The following CFAP43 variants were observed in gnomAD, a reference collection of about 807,000 sequenced individuals.
CFAP43 encodes the protein cilia- and flagella-associated protein 43.
A neutral mutation model predicts 218.9 loss-of-function variants in CFAP43; 155 were observed. That is an observed-to-expected ratio of 0.71 (90% CI 0.62 to 0.81). The LOEUF (loss-of-function observed/expected upper bound fraction) is 0.81, where lower values mean the gene tolerates loss of function less well. CFAP43 is among the 30% of genes least tolerant of loss of function. The probability of loss-of-function intolerance (pLI) is 0.00; values close to 1 mark genes in which losing one functional copy is unlikely to be tolerated. For missense variants in CFAP43, 1,778 were observed against 1,954.3 expected (o/e 0.91, Z 1.70); for synonymous variants, 645 against 681.3 (o/e 0.95, Z 0.83).
At chr10:104,173,252 A>G (rs533368808) in intron 19 of CFAP43, among the ~76,000 whole-genome samples, 1 of 152,332 alleles carries the variant, frequency 6.6e-6, no homozygotes, top group South Asian at 2.1e-4. Flanking sequence ...AGAGAAAAGA[A>G]GTATATAGCA....
In CFAP43 at chr10:104,148,749, CA is replaced by C. The variant is rs139705890; in HGVS notation, c.3661-752del. Among the ~76,000 whole-genome samples, 192 of 152,352 alleles carry C rather than the reference CA, an allele frequency of 1.3e-3. 1 individual carries two copies. The highest frequency in any genetic ancestry group is 4.5e-3 in the African/African-American group (188 of 41,588). The stretch of plus-strand genomic sequence containing the variant: ...GATGCCCAATCTTGAACCTTCTAGA[CA>C]GCAGAATTATGAGTCAGATAAACCT... On this transcript the variant is annotated intron_variant, in intron 28 of 37. Coordinates refer to ENST00000357060, the MANE Select transcript of CFAP43 (RefSeq NM_025145.7).
intron 18 of CFAP43, 146 bp downstream of exon 18, chr10:104,179,694 G>A (rs546267742): frequency 7.3e-5 from 46 of 632,492 alleles, no homozygotes; most frequent in Non-Finnish European, 5.6e-5. Flanking sequence ...TTTGCTTTCC[G>A]AAAAGTTACA....
chr10:104,136,901 A>T (rs1422292699), intron 34 of CFAP43, among the ~76,000 whole-genome samples: 2 of 152,220 alleles, frequency 1.3e-5, no homozygotes, highest in Non-Finnish European at 2.9e-5. Flanking sequence ...AGAAATTTAC[A>T]TCAAGAATAA....
chr10:104,212,643 A>T lies in CFAP43; in HGVS notation c.585-486T>A, dbSNP rs905973087. On this transcript the variant is annotated intron_variant, in intron 4 of 37. Transcript: ENST00000357060. Reference sequence around the variant, plus strand: ...CTAATTCAAATGAAAAACACTGTAGACTAAAATAAATATATATTTAAACAT... The same window carrying T: ...CTAATTCAAATGAAAAACACTGTAGTCTAAAATAAATATATATTTAAACAT... 3.3e-5 allele frequency among the ~76,000 whole-genome samples: 5 copies of T among 152,212 alleles called. No individual in the cohort carries two copies. The East Asian group carries it at 7.7e-4, about 23-fold the overall frequency.
intron 30 of CFAP43, 32 bp from the exon 31 acceptor site, chr10:104,145,596 A>G: frequency 6.7e-7 from 1 of 1,481,612 alleles, no homozygotes; most frequent in Non-Finnish European, 9.3e-7. Flanking sequence ...GAGGACTGCA[A>G]CTTGGTTTGG....
intron 31 of CFAP43, among the ~76,000 whole-genome samples, 195 bp from the exon 32 acceptor site, chr10:104,143,834 G>A (rs1289150798): frequency 1.3e-5 from 2 of 152,200 alleles, no homozygotes; most frequent in Non-Finnish European, 2.9e-5. Flanking sequence ...GTTCTCAGAC[G>A]TGACCTTGGC....
intron 28 of CFAP43, 141 bp downstream of exon 28, chr10:104,152,466 A>G: frequency 8.6e-7 from 1 of 1,161,020 alleles, no homozygotes; most frequent in Non-Finnish European, 1.2e-6. Flanking sequence ...GGGAAGGTGC[A>G]CAAGATGAGA....
chr10:104,154,567 AC>A (rs1268729588), intron 27 of CFAP43, among the ~76,000 whole-genome samples: 2 of 152,192 alleles, frequency 1.3e-5, no homozygotes, highest in African/African-American at 4.8e-5. Context: ...TATCAAGTTC[AC>A]CTGTTCCTAG....
In CFAP43 at chr10:104,131,459, C is replaced by T; in HGVS notation, c.4703G>A (p.Cys1568Tyr). The T allele has an allele frequency of 1.9e-6, 3 of 1,611,140 alleles. No individual in the cohort carries two copies. Among genetic ancestry groups the T allele is most frequent in the Non-Finnish European group, 2.5e-6 (3 of 1,179,308 alleles). ...DKMHKKNVEN[C>Y]KKLLKKLGKF... ...TCCAAGTTTTTTGAGTAGTTTCTTG[C>T]AGTTTTCCACATTCTTTTTGTGCAT... The change falls in exon 37 of 38, where the codon TGC becomes TAC. Residue 1568 changes from cysteine (C) to tyrosine (Y), a missense_variant. Transcript: ENST00000357060.
chr10:104,164,349 C>G, intron 23 of CFAP43, 49 bp from the exon 24 acceptor site: 1 of 1,340,966 alleles, frequency 7.5e-7, no homozygotes, highest in Non-Finnish European at 1.0e-6. Flanking sequence ...TATATCTTTA[C>G]TGGTAACATG....
At chr10:104,134,152 C>A (rs993804336) in intron 34 of CFAP43, among the ~76,000 whole-genome samples, 2 of 152,146 alleles carry the variant, frequency 1.3e-5, no homozygotes, top group African/African-American at 4.8e-5. Flanking sequence ...AATCCCACCA[C>A]CTTGGGAGGT....
chr10:104,224,845 G>C (rs2091270444), intron 3 of CFAP43, among the ~76,000 whole-genome samples: 1 of 150,988 alleles, frequency 6.6e-6, no homozygotes, highest in Non-Finnish European at 1.5e-5. Context: ...ATGTTAGTAT[G>C]TTATCCTTTA....
chr10:104,186,971 A>G (rs2090050771), intron 14 of CFAP43, among the ~76,000 whole-genome samples: 1 of 152,216 alleles, frequency 6.6e-6, no homozygotes, highest in Admixed American at 6.5e-5. Context: ...GCTTAGATGC[A>G]AAGTTCCACT....
chr10:104,196,846 T>C lies in CFAP43; in HGVS notation c.1293+7A>G, dbSNP rs918537639. 1 of 1,593,426 alleles carries C rather than the reference T, an allele frequency of 6.3e-7. No homozygotes were observed. The highest frequency in any genetic ancestry group is 2.2e-5 in the East Asian group (1 of 44,464). On this transcript the variant is annotated splice_region_variant and intron_variant, in intron 10 of 37. Transcript: ENST00000357060. The stretch of plus-strand genomic sequence containing the variant: ...TTTTTTAAAATCCATTTATCAAGTA[T>C]ACTTACTAGGGTATTCAGATAAATC...
intron 3 of CFAP43, 94 bp from the exon 4 acceptor site, chr10:104,214,520 A>T (rs1304344902): frequency 9.6e-7 from 1 of 1,038,946 alleles, no homozygotes; most frequent in Non-Finnish European, 1.3e-6. Context: ...AAATTGGGAT[A>T]TAATTTATGA....
At chr10:104,179,181 GCAATTCTCT>G in intron 18 of CFAP43, 75 bp from the exon 19 acceptor site, 40 of 1,080,608 alleles carry the variant, frequency 3.7e-5, no homozygotes, top group Non-Finnish European at 4.7e-5. Context: ...GAGAGAGAGA[GCAATTCTCT>G]AGAAACAGAA....
At chr10:104,192,586 G>A (rs1285645414) in intron 11 of CFAP43, 20 of 335,698 alleles carry the variant, frequency 6.0e-5, no homozygotes, top group Admixed American at 4.7e-4. Context: ...CATGTCTGTC[G>A]GTAGAGCTTT....
At chr10:104,211,734 G>T (rs980696465) in intron 5 of CFAP43, among the ~76,000 whole-genome samples, 2 of 152,076 alleles carry the variant, frequency 1.3e-5, no homozygotes, top group Non-Finnish European at 2.9e-5. Flanking sequence ...CTCCACCTAG[G>T]TGTCTTCCCT....
chr10:104,212,184 A>G (rs1014372356), intron 4 of CFAP43, 27 bp from the exon 5 acceptor site: 5 of 1,600,216 alleles, frequency 3.1e-6, no homozygotes, highest in Non-Finnish European at 4.3e-6. Context: ...CATCAGAACA[A>G]TGAGATGAAC....
Sources: gnomAD v4.1 joint callset for allele counts (sites outside exome capture counted in the v4.1 genomes callset) on GRCh38, gnomAD v4.1.1 for gene constraint, MANE v1.5 for transcripts, NCBI Gene and HGNC (gene_info 2026-07-23, HGNC 2026-07-21) for gene names.